RBFOX3: variants seen among roughly 807,000 people sequenced by gnomAD.
RBFOX3 encodes RNA binding protein fox-1 homolog 3.
Under a neutral mutation model 48.7 loss-of-function variants are expected in RBFOX3, and 17 were observed. That is an observed-to-expected ratio of 0.35 (90% CI 0.24 to 0.52). The LOEUF (loss-of-function observed/expected upper bound fraction) is 0.52, where lower values mean the gene tolerates loss of function less well. Ranked by LOEUF, RBFOX3 falls within the 20% of genes least tolerant of loss-of-function variation. RBFOX3 has a pLI of 0.94. For missense variants in RBFOX3, 382 were observed against 497.5 expected, an observed-to-expected ratio of 0.77 and a Z score of 2.21; for synonymous variants, 212 against 209.5, an observed-to-expected ratio of 1.01 and a Z score of -0.10.
chr17:79,630,940 C>T, the RBFOX3 span, among the ~76,000 whole-genome samples: 1 of 152,180 alleles, frequency 6.6e-6, no homozygotes, highest in Non-Finnish European at 1.5e-5. Context: ...AAAAGCACGA[C>T]AGCCCCCGCC....
chr17:79,555,216 G>A (rs2091531130), intron 1 of RBFOX3, among the ~76,000 whole-genome samples: 1 of 152,250 alleles, frequency 6.6e-6, no homozygotes, highest in Non-Finnish European at 1.5e-5. Flanking sequence ...CACATACCCA[G>A]CACAATGCCT....
At chr17:79,313,948 A>G (rs796953100) in intron 2 of RBFOX3, among the ~76,000 whole-genome samples, 3 of 152,282 alleles carry the variant, frequency 2.0e-5, no homozygotes, top group African/African-American at 7.2e-5. Flanking sequence ...CCTCACTTGC[A>G]TGTCCGGCTC....
chr17:79,484,168 G>A (rs937746408), intron 1 of RBFOX3, among the ~76,000 whole-genome samples: 5 of 152,100 alleles, frequency 3.3e-5, no homozygotes, highest in Non-Finnish European at 7.4e-5. Context: ...ATTTCACAAC[G>A]GAGTTTTAAA....
At chr17:79,521,814 C>T (rs1445948247) in intron 1 of RBFOX3, among the ~76,000 whole-genome samples, 2 of 152,222 alleles carry the variant, frequency 1.3e-5, no homozygotes, top group Non-Finnish European at 2.9e-5. Flanking sequence ...CACACATGCA[C>T]ATACATATCC....
intron 1 of RBFOX3, among the ~76,000 whole-genome samples, chr17:79,530,188 A>T (rs962686150): frequency 6.6e-6 from 1 of 152,128 alleles, no homozygotes; most frequent in Admixed American, 6.5e-5. Context: ...CCCTGGAGAA[A>T]ACCTCCAGCT....
intron 3 of RBFOX3, among the ~76,000 whole-genome samples, chr17:79,303,327 C>G (rs1003355932): frequency 2.6e-5 from 4 of 152,088 alleles, no homozygotes; most frequent in African/African-American, 9.7e-5. Context: ...TATGGTTGCA[C>G]AAATATACAC....
At chr17:79,355,302 G>A (rs989157341) in intron 2 of RBFOX3, among the ~76,000 whole-genome samples, 2 of 152,232 alleles carry the variant, frequency 1.3e-5, no homozygotes, top group Non-Finnish European at 1.5e-5. Flanking sequence ...AGGGCTCTGG[G>A]GAGACGTGTT....
chr17:79,495,266 G>T (rs1329746536), intron 1 of RBFOX3, among the ~76,000 whole-genome samples: 6 of 135,230 alleles, frequency 4.4e-5, no homozygotes, highest in African/African-American at 1.7e-4. Flanking sequence ...AAGGGGGGAA[G>T]GGAGGGACGG....
At chr17:79,166,421 G>A (rs902584586) in intron 4 of RBFOX3, among the ~76,000 whole-genome samples, 6 of 152,168 alleles carry the variant, frequency 3.9e-5, no homozygotes, top group Non-Finnish European at 5.9e-5. Flanking sequence ...AGGGGATGAT[G>A]TCTGAACCAA....
intron 1 of RBFOX3, among the ~76,000 whole-genome samples, chr17:79,606,685 T>C (rs936210841): frequency 6.6e-6 from 1 of 152,208 alleles, no homozygotes. Flanking sequence ...TGGTATTTCT[T>C]GAAGGGAGGT....
chr17:79,634,503 G>T, the RBFOX3 span, among the ~76,000 whole-genome samples: 4 of 152,146 alleles, frequency 2.6e-5, no homozygotes, highest in African/African-American at 9.7e-5. Flanking sequence ...CATCAGAGCT[G>T]CCCCAGAACC....
intron 4 of RBFOX3, among the ~76,000 whole-genome samples, chr17:79,150,834 G>T (rs7503279): frequency 0.64 from 97,741 of 151,898 alleles, 31,811 homozygotes; most frequent in Non-Finnish European, 0.69. Context: ...GCCTCAGGGG[G>T]GTCACCTCAG....
the RBFOX3 span, among the ~76,000 whole-genome samples, chr17:79,621,363 G>A: frequency 6.6e-6 from 1 of 152,172 alleles, no homozygotes; most frequent in Non-Finnish European, 1.5e-5. Context: ...CCAAGCTGGG[G>A]GAAACCGTTG....
intron 2 of RBFOX3, among the ~76,000 whole-genome samples, chr17:79,430,087 T>C (rs1398913043): frequency 2.0e-5 from 3 of 152,050 alleles, no homozygotes; most frequent in African/African-American, 7.3e-5. Context: ...AACCCAGCTC[T>C]AGGATTGAGT....
At chr17:79,118,911 GGCT>G (rs1208988338) in intron 4 of RBFOX3, among the ~76,000 whole-genome samples, 5 of 151,312 alleles carry the variant, frequency 3.3e-5, no homozygotes, top group African/African-American at 1.2e-4. Context: ...TGGAGGTTGA[GGCT>G]GCAGTGAACC....
At chr17:79,178,832 C>T (rs1378490691) in intron 4 of RBFOX3, among the ~76,000 whole-genome samples, 1 of 152,246 alleles carries the variant, frequency 6.6e-6, no homozygotes, top group Non-Finnish European at 1.5e-5. Context: ...CATCACCCGA[C>T]CTCAACTACT....
chr17:79,387,911 CG>C, intron 2 of RBFOX3, among the ~76,000 whole-genome samples: 1 of 151,848 alleles, frequency 6.6e-6, no homozygotes, highest in Non-Finnish European at 1.5e-5. Flanking sequence ...ATTGTGTGTA[CG>C]AGTGTGCATA....
chr17:79,580,513 G>A (rs1007535469), intron 1 of RBFOX3, among the ~76,000 whole-genome samples: 2 of 152,058 alleles, frequency 1.3e-5, no homozygotes, highest in Non-Finnish European at 2.9e-5. Context: ...GTTCAGCGGT[G>A]CTCAGTGAAT....
At chr17:79,163,359 C>T (rs1193925130) in intron 4 of RBFOX3, among the ~76,000 whole-genome samples, 1 of 152,192 alleles carries the variant, frequency 6.6e-6, no homozygotes, top group Non-Finnish European at 1.5e-5. Flanking sequence ...GGACCCCAAG[C>T]CTTTGGAGAA....
Sources: gnomAD v4.1 joint callset for allele counts (sites outside exome capture counted in the v4.1 genomes callset) on GRCh38, gnomAD v4.1.1 for gene constraint, MANE v1.5 for transcripts, NCBI Gene and HGNC (gene_info 2026-07-23, HGNC 2026-07-21) for gene names.